MTUS1: variants seen among roughly 807,000 people sequenced by gnomAD.
MTUS1 encodes the protein microtubule-associated tumor suppressor 1.
A neutral mutation model predicts 120.8 loss-of-function variants in MTUS1; 109 were observed. That is an observed-to-expected ratio of 0.90 (90% confidence interval 0.77 to 1.06). The LOEUF is 1.06. Ranked by LOEUF, MTUS1 falls within the 50% of genes least tolerant of loss-of-function variation. The pLI is 0.00. For missense variants in MTUS1, 2,210 were observed against 1,486.3 expected (o/e 1.49, Z -8.01); for synonymous variants, 737 against 550.5 (o/e 1.34, Z -4.74).
At chr8:17,655,825 A>G (rs1808085241) in intron 9 of MTUS1, 38 bp downstream of exon 9, 1 of 1,566,538 alleles carries the variant, frequency 6.4e-7, no homozygotes, top group Admixed American at 1.7e-5. Context: ...AGTAAGCAGC[A>G]GAGGCCTCAG....
At chr8:17,707,460 G>C (rs1820402381) in intron 6 of MTUS1, among the ~76,000 whole-genome samples, 1 of 151,966 alleles carries the variant, frequency 6.6e-6, no homozygotes, top group Non-Finnish European at 1.5e-5. Context: ...CATGCTTATG[G>C]TTTCGGGAAA....
At chr8:17,783,820 G>C (rs1053442042) in intron 1 of MTUS1, among the ~76,000 whole-genome samples, 1 of 152,100 alleles carries the variant, frequency 6.6e-6, no homozygotes, top group East Asian at 1.9e-4. Context: ...ATCCTTAACG[G>C]CAATCTGAGG....
intron 8 of MTUS1, among the ~76,000 whole-genome samples, chr8:17,656,868 G>A (rs1324225889): frequency 2.0e-5 from 3 of 151,334 alleles, no homozygotes; most frequent in Admixed American, 6.6e-5. Flanking sequence ...TCAGGAGATC[G>A]AGACCACGGT....
intron 3 of MTUS1, among the ~76,000 whole-genome samples, chr8:17,730,395 G>C (rs1027292666): frequency 6.6e-6 from 1 of 150,482 alleles, no homozygotes; most frequent in African/African-American, 2.4e-5. Context: ...TGAGGTAGGA[G>C]AATCACTTGA....
chr8:17,772,378 A>C (rs2050083951), intron 1 of MTUS1, among the ~76,000 whole-genome samples: 1 of 152,212 alleles, frequency 6.6e-6, no homozygotes, highest in Admixed American at 6.5e-5. Flanking sequence ...CGCATTATCC[A>C]AACTTGAATC....
chr8:17,709,223 G>C (rs555824475), intron 6 of MTUS1, among the ~76,000 whole-genome samples: 23 of 152,052 alleles, frequency 1.5e-4, no homozygotes, highest in Middle Eastern at 3.4e-3. Context: ...CACCTGATGG[G>C]GCATCAAGGA....
chr8:17,712,305 A>C (rs1006917987), intron 6 of MTUS1, among the ~76,000 whole-genome samples: 4 of 152,010 alleles, frequency 2.6e-5, no homozygotes, highest in Non-Finnish European at 5.9e-5. Context: ...GGCAGTGTAC[A>C]GGAGACCTTA....
chr8:17,792,396 G>A (rs1418215157), intron 1 of MTUS1, among the ~76,000 whole-genome samples: 3 of 152,194 alleles, frequency 2.0e-5, no homozygotes, highest in African/African-American at 4.8e-5. Context: ...GCTGTAACCA[G>A]AACTTTCCAA....
At chr8:17,739,883 T>C (rs964387063) in intron 3 of MTUS1, among the ~76,000 whole-genome samples, 2 of 152,202 alleles carry the variant, frequency 1.3e-5, no homozygotes, top group South Asian at 4.1e-4. Flanking sequence ...GTAGTTTAGA[T>C]TTGGTTTGTT....
chr8:17,703,460 C>T (rs1345739299), intron 6 of MTUS1, among the ~76,000 whole-genome samples: 2 of 151,922 alleles, frequency 1.3e-5, no homozygotes, highest in East Asian at 1.9e-4. Context: ...GGTGAAACCC[C>T]GTCTCTACTA....
rs35308070 is a variant in MTUS1 at position 17,662,349 on chromosome 8, A to ATTTTTTT, written c.2906-6291_2906-6285dup. Among the ~76,000 whole-genome samples the ATTTTTTT allele has an allele frequency of 1.7e-3, 195 of 112,664 alleles. 5 individuals carry two copies. The highest frequency in any genetic ancestry group is 4.8e-3 in the African/African-American group (138 of 28,788). 73.9% of individuals were successfully genotyped at this position (112,664 alleles called of 152,430 possible). On this transcript the variant is annotated intron_variant, in intron 8 of 14. Coordinates refer to ENST00000693296, the MANE Select transcript of MTUS1 (RefSeq NM_001363059.2). ...AAGTCAAAGTAGTCTTTTTGTCCCT[A>ATTTTTTT]TTTTTTTTTTTTTTTTTTTTTTTTG...
intron 7 of MTUS1, among the ~76,000 whole-genome samples, chr8:17,682,968 A>G (rs1226761224): frequency 6.6e-6 from 1 of 152,160 alleles, no homozygotes; most frequent in Non-Finnish European, 1.5e-5. Flanking sequence ...AAAGCTGTAA[A>G]ATACTCATCA....
intron 7 of MTUS1, among the ~76,000 whole-genome samples, chr8:17,676,927 T>C (rs1226186728): frequency 4.0e-5 from 6 of 151,454 alleles, no homozygotes; most frequent in Non-Finnish European, 7.4e-5. Context: ...GGAGATCCCA[T>C]ATATTTTTAA....
chr8:17,700,153 T>A (rs936476509), intron 6 of MTUS1, among the ~76,000 whole-genome samples: 1 of 152,010 alleles, frequency 6.6e-6, no homozygotes, highest in African/African-American at 2.4e-5. Flanking sequence ...AGTTTGTAGT[T>A]GTAAAAGTTA....
intron 8 of MTUS1, among the ~76,000 whole-genome samples, chr8:17,659,292 C>G (rs1809158330): frequency 6.6e-6 from 1 of 152,166 alleles, no homozygotes; most frequent in Non-Finnish European, 1.5e-5. Context: ...GTGGCAGGAC[C>G]AGGCCAGACC....
chr8:17,711,124 A>G (rs1821218509), intron 6 of MTUS1, among the ~76,000 whole-genome samples: 1 of 152,180 alleles, frequency 6.6e-6, no homozygotes, highest in Non-Finnish European at 1.5e-5. Context: ...AGGGCCCTAG[A>G]ATTTTCAGAA....
At position 17,698,428 on chromosome 8, in the gene MTUS1, TAAC is replaced by T. The variant is rs1225791099; in HGVS notation, c.2624-13889_2624-13887del. 3.9e-5 allele frequency among the ~76,000 whole-genome samples: 6 copies of T among 152,232 alleles called. No individual in the cohort carries two copies. The South Asian group carries it at 1.0e-3, about 26-fold the overall frequency. On this transcript the variant is annotated intron_variant, in intron 6 of 14. Coordinates refer to ENST00000693296, the MANE Select transcript of MTUS1 (RefSeq NM_001363059.2). ...AAAACAAAGATATGGTTATAAGAATTAACAACAACAATATGCCCACTTAAGCTA... is the reference window on the plus strand; with the variant it reads ...AAAACAAAGATATGGTTATAAGAATTAACAACAATATGCCCACTTAAGCTA...
At position 17,743,619 on chromosome 8, in the gene MTUS1, G is replaced by A. The variant is rs752012836; in HGVS notation, c.2272C>T (p.Arg758Cys). 3.1e-6 allele frequency: 5 copies of A among 1,613,834 alleles called. No individual in the cohort carries two copies. The South Asian group carries it at 3.3e-5, about 11-fold the overall frequency. Residue 758 changes from arginine to cysteine, a missense_variant, in exon 3 of 15, where the codon CGT (arginine) becomes TGT (cysteine). By Grantham distance (180) the Arg-to-Cys change is radical. Coordinates refer to ENST00000693296, the MANE Select transcript of MTUS1 (RefSeq NM_001363059.2). ...DRAVSPQRIR[R>C]VSSSGKPTSL... ...TTATTCTTACCAGAACTGGACACAC[G>A]CCTGATCCTCTGAGGAGATACGGCT... is the stretch of plus-strand genomic sequence containing the variant.
In MTUS1 at chr8:17,755,159, G is replaced by T. The variant is rs775320618; in HGVS notation, c.649C>A (p.His217Asn). ...CTATCATAAGTAGTTTCTCTTGCAT[G>T]CGTCTTATCAGAATGGGAAGATGTC... ...TWTSSHSDKT[H>N]ARETTYDRES... The change falls in exon 2 of 15, where the codon CAT becomes AAT. Residue 217 changes from histidine to asparagine, a missense_variant. By Grantham distance (68) the His-to-Asn change is moderately conservative. Coordinates refer to ENST00000693296, the MANE Select transcript of MTUS1 (RefSeq NM_001363059.2). 6.2e-7 allele frequency: 1 copy of T among 1,614,134 alleles called. No individual in the cohort carries two copies. The highest frequency in any genetic ancestry group is 8.5e-7 in the Non-Finnish European group (1 of 1,180,014).
Sources: gnomAD v4.1 joint callset for allele counts (sites outside exome capture counted in the v4.1 genomes callset) on GRCh38, gnomAD v4.1.1 for gene constraint, MANE v1.5 for transcripts, NCBI Gene and HGNC (gene_info 2026-07-23, HGNC 2026-07-21) for gene names.